The following PLPP4 variants were observed in gnomAD, a reference collection of about 807,000 sequenced individuals.
The protein encoded by PLPP4 is diacylglycerol pyrophosphate like 2.
In PLPP4, 20 loss-of-function variants were observed where a neutral mutation model predicts 32.2. The observed-to-expected ratio is 0.62, with a 90% CI of 0.44 to 0.90. PLPP4 has a LOEUF of 0.90. Ranked by LOEUF, PLPP4 falls within the 40% of genes least tolerant of loss-of-function variation. The pLI, the probability that PLPP4 is intolerant of heterozygous loss-of-function variation, is 0.00. For missense variants in PLPP4, 257 were observed against 353.1 expected, an observed-to-expected ratio of 0.73 and a Z score of 2.18; for synonymous variants, 127 against 133.0, an observed-to-expected ratio of 0.95 and a Z score of 0.31.
At chr10:120,553,624 A>C (rs10788102) in intron 5 of PLPP4, among the ~76,000 whole-genome samples, 7 of 151,848 alleles carry the variant, frequency 4.6e-5, no homozygotes, top group African/African-American at 1.7e-4. Context: ...GGCAAAGTAC[A>C]TATCTTGAGA....
chr10:120,512,335 C>T (rs570783719), intron 2 of PLPP4, among the ~76,000 whole-genome samples: 1 of 152,272 alleles, frequency 6.6e-6, no homozygotes, highest in South Asian at 2.1e-4. Context: ...CACCTGAATA[C>T]CCTCCATGGT....
intron 6 of PLPP4, among the ~76,000 whole-genome samples, chr10:120,578,267 C>A (rs956228414): frequency 6.6e-6 from 1 of 152,178 alleles, no homozygotes; most frequent in African/African-American, 2.4e-5. Context: ...AGGAGGGATG[C>A]AGAGTGAGGT....
At chr10:120,542,854 T>G (rs1003482469) in intron 5 of PLPP4, among the ~76,000 whole-genome samples, 1 of 152,178 alleles carries the variant, frequency 6.6e-6, no homozygotes, top group African/African-American at 2.4e-5. Context: ...GATGGCGTCA[T>G]CTTCCAAAAT....
At chr10:120,503,146 T>G (rs1243237782) in intron 1 of PLPP4, among the ~76,000 whole-genome samples, 1 of 152,232 alleles carries the variant, frequency 6.6e-6, no homozygotes, top group African/African-American at 2.4e-5. Flanking sequence ...TCCATGCTCC[T>G]CTGCCAAACC....
At chr10:120,574,783 G>A (rs767627903) in intron 5 of PLPP4, among the ~76,000 whole-genome samples, 1 of 152,184 alleles carries the variant, frequency 6.6e-6, no homozygotes, top group Non-Finnish European at 1.5e-5. Flanking sequence ...CCTTCAACTA[G>A]ACCATGAGCC....
chr10:120,492,168 G>A (rs142453418), intron 1 of PLPP4, among the ~76,000 whole-genome samples: 11 of 152,234 alleles, frequency 7.2e-5, no homozygotes, highest in Non-Finnish European at 1.6e-4. Context: ...ATGAGGCCTC[G>A]ACTGGATCCT....
chr10:120,531,161 T>C lies in PLPP4; in HGVS notation c.445+10066T>C, dbSNP rs142965035. ...TGAAGTGCAGTGGCACCATCTCGGC[T>C]CGCTGCAACCTCTGGCTCACTACAA... On this transcript the variant is annotated intron_variant, in intron 5 of 6. Coordinates refer to ENST00000398250, the MANE Select transcript of PLPP4 (RefSeq NM_001030059.3). Among the ~76,000 whole-genome samples, 909 of 148,598 alleles carry C rather than the reference T, an allele frequency of 6.1e-3. 12 individuals are homozygous for C. Among genetic ancestry groups the C allele is most frequent in the African/African-American group, 0.022 (872 of 40,294 alleles).
At chr10:120,582,616 A>T (rs1311662950) in intron 6 of PLPP4, among the ~76,000 whole-genome samples, 1 of 152,210 alleles carries the variant, frequency 6.6e-6, no homozygotes, top group Non-Finnish European at 1.5e-5. Context: ...ATATGTGCTG[A>T]ATAAATAAAT....
intron 5 of PLPP4, among the ~76,000 whole-genome samples, chr10:120,574,915 GT>G (rs966919771): frequency 2.6e-5 from 4 of 152,120 alleles, no homozygotes; most frequent in Non-Finnish European, 4.4e-5. Flanking sequence ...AATAAAATAG[GT>G]TTTGATCACA....
chr10:120,516,657 C>T (rs186099273), intron 3 of PLPP4, among the ~76,000 whole-genome samples: 1 of 152,324 alleles, frequency 6.6e-6, no homozygotes, highest in Admixed American at 6.5e-5. Context: ...GTCTTTTTGA[C>T]TCTTCTCTGA....
intron 1 of PLPP4, 54 bp downstream of exon 1, chr10:120,457,415 C>G: frequency 1.4e-6 from 2 of 1,474,724 alleles, no homozygotes; most frequent in Non-Finnish European, 1.8e-6. Flanking sequence ...AACAACCGAC[C>G]AAGCCTCTCT....
intron 3 of PLPP4, among the ~76,000 whole-genome samples, chr10:120,517,294 G>A (rs1333741404): frequency 1.3e-5 from 2 of 152,146 alleles, no homozygotes; most frequent in African/African-American, 2.4e-5. Context: ...GTAATTTTGC[G>A]GCAATCTCAC....
intron 5 of PLPP4, among the ~76,000 whole-genome samples, chr10:120,558,411 C>CTTT (rs35962206): frequency 2.2e-5 from 3 of 135,986 alleles, no homozygotes; most frequent in Admixed American, 1.5e-4. Context: ...TTCTTTCTTT[C>CTTT]TTTTTTTTTT....
intron 5 of PLPP4, among the ~76,000 whole-genome samples, chr10:120,563,571 C>T (rs11199408): frequency 0.045 from 6,675 of 148,932 alleles, 267 homozygotes; most frequent in South Asian, 0.2. Flanking sequence ...GAGGCCGAGG[C>T]GGGTGGATCA....
At chr10:120,503,560 C>CATGGA in intron 1 of PLPP4, 1 of 1,606,536 alleles carries the variant, frequency 6.2e-7, no homozygotes, top group Non-Finnish European at 8.5e-7. Flanking sequence ...AGTCTTTGTA[C>CATGGA]ACACAAAGCT....
At position 120,590,073 on chromosome 10, in the gene PLPP4, T is replaced by C. The variant is rs903267267; in HGVS notation, c.*571T>C. On this transcript the variant is annotated 3_prime_UTR_variant, in exon 7 of 7. Coordinates refer to ENST00000398250, the MANE Select transcript of PLPP4 (RefSeq NM_001030059.3). Reference sequence around the variant, plus strand: ...TCCAGGGCTTTTGAATCATTGAATCTGGAAGCAAATAAAATTAATAACTTC... The same window carrying C: ...TCCAGGGCTTTTGAATCATTGAATCCGGAAGCAAATAAAATTAATAACTTC... Among the ~76,000 whole-genome samples, 4 of 152,220 alleles carry C rather than the reference T, an allele frequency of 2.6e-5. No individual in the cohort carries two copies. The highest frequency in any genetic ancestry group is 9.6e-5 in the African/African-American group (4 of 41,456).
At chr10:120,465,496 G>T (rs1163524839) in intron 1 of PLPP4, among the ~76,000 whole-genome samples, 1 of 152,168 alleles carries the variant, frequency 6.6e-6, no homozygotes, top group Non-Finnish European at 1.5e-5. Flanking sequence ...GAAAAACAGG[G>T]CCAGAGGAGG....
At position 120,457,320 on chromosome 10, in the gene PLPP4, C is replaced by T. The variant is rs1277518331; in HGVS notation, c.15C>T (p.Ala5=). The change falls in exon 1 of 7, where the codon GCC becomes GCT. Residue 5 remains alanine, a synonymous_variant. Coordinates refer to ENST00000398250, the MANE Select transcript of PLPP4 (RefSeq NM_001030059.3). Reference sequence around the variant, plus strand: ...CCGGCCGCACCATGCGGGAGCTGGCCATTGAGATCGGGGTGCGAGCCCTGC... The same window carrying T: ...CCGGCCGCACCATGCGGGAGCTGGCTATTGAGATCGGGGTGCGAGCCCTGC... The part of the protein sequence containing the change: MREL[A]IEIGVRALLF... 3 of 1,533,212 alleles carry T rather than the reference C, an allele frequency of 2.0e-6. No homozygotes were observed. 95.0% of individuals were successfully genotyped at this position (1,533,212 alleles called of 1,614,324 possible).
intron 1 of PLPP4, among the ~76,000 whole-genome samples, chr10:120,497,444 T>C (rs1162977857): frequency 6.6e-6 from 1 of 152,020 alleles, no homozygotes; most frequent in Admixed American, 6.6e-5. Context: ...CACAAGTGTG[T>C]GTTTATGTGT....
Sources: gnomAD v4.1 joint callset for allele counts (sites outside exome capture counted in the v4.1 genomes callset) on GRCh38, gnomAD v4.1.1 for gene constraint, MANE v1.5 for transcripts, NCBI Gene and HGNC (gene_info 2026-07-23, HGNC 2026-07-21) for gene names.